The following DRD2 variants were observed in gnomAD, a reference collection of about 807,000 sequenced individuals.
DRD2 encodes D(2) dopamine receptor.
In DRD2, 8 loss-of-function variants were observed where a neutral mutation model predicts 38.0. The observed-to-expected ratio is 0.21, with a 90% CI of 0.12 to 0.38. DRD2 has a LOEUF of 0.38. Ranked by LOEUF, DRD2 falls within the 10% of genes least tolerant of loss-of-function variation. The pLI, the probability that DRD2 is intolerant of heterozygous loss-of-function variation, is 1.00. For missense variants in DRD2, 403 were observed against 607.7 expected (o/e 0.66, Z 3.54); for synonymous variants, 230 against 238.6 (o/e 0.96, Z 0.33).
At chr11:113,469,754 C>A (rs1565681607) in intron 1 of DRD2, among the ~76,000 whole-genome samples, 1 of 152,158 alleles carries the variant, frequency 6.6e-6, no homozygotes, top group African/African-American at 2.4e-5. Flanking sequence ...GCAGGAGGAT[C>A]ACTTGAGCCC....
intron 1 of DRD2, among the ~76,000 whole-genome samples, chr11:113,469,183 T>C (rs2120001902): frequency 6.6e-6 from 1 of 152,136 alleles, no homozygotes; most frequent in Middle Eastern, 3.4e-3. Flanking sequence ...GCCTCCCTCC[T>C]GCTCCTGCCG....
intron 4 of DRD2, 57 bp downstream of exon 4, chr11:113,416,806 C>A: frequency 6.3e-7 from 1 of 1,597,400 alleles, no homozygotes; most frequent in Non-Finnish European, 8.5e-7. Flanking sequence ...CAGGGCCCTT[C>A]GAGGGAGCAG....
Position 113,474,838 on chromosome 11 carries a change from A to C in DRD2, c.-32+238T>G, listed in dbSNP as rs1951464885. 2.0e-5 allele frequency among the ~76,000 whole-genome samples: 3 copies of C among 151,860 alleles called. No homozygotes were observed. In the East Asian group the frequency reaches 5.9e-4, roughly 30 times the overall value. ...GTGCTCGGGGAGAGGATTCCCTTCT[A>C]AGTGGCGAGGAGGCTACTGAGAAGG... On this transcript the variant is annotated intron_variant, in intron 1 of 7. Coordinates refer to ENST00000362072, the MANE Select transcript of DRD2 (RefSeq NM_000795.4).
intron 2 of DRD2, among the ~76,000 whole-genome samples, chr11:113,418,415 C>T (rs372258302): frequency 1.1e-4 from 16 of 152,318 alleles, no homozygotes; most frequent in South Asian, 8.3e-4. Context: ...AAACCTTAAT[C>T]TCTGCAACCT....
chr11:113,439,429 C>T (rs978556277), intron 1 of DRD2, among the ~76,000 whole-genome samples: 2 of 152,140 alleles, frequency 1.3e-5, no homozygotes, highest in South Asian at 2.1e-4. Context: ...AGAGAAGGCA[C>T]TCAGTTGTTC....
rs199932425 is a variant in DRD2, at chr11:113,424,593, C to T, written c.59G>A (p.Arg20Gln). 11 of 1,614,042 alleles carry T rather than the reference C, an allele frequency of 6.8e-6. No homozygotes were observed. The highest frequency in any genetic ancestry group is 1.6e-4 in the Middle Eastern group (1 of 6,084). ...CTTCCCGTCTGACCCGTTGAAGGGC[C>T]GGCTCCAGTTCTGCCTCTCCAGATC... ...DDDLERQNWS[R>Q]PFNGSDGKAD... The change falls in exon 2 of 8, where the codon CGG becomes CAG. Residue 20 changes from arginine (R) to glutamine (Q), a missense_variant. Arg to Gln is a conservative substitution (Grantham distance 43). Around this residue, in one of 4 missense-constraint regions of DRD2, gnomAD observed 162 missense variants for 254.5 expected, o/e 0.64. Coordinates refer to ENST00000362072, the MANE Select transcript of DRD2 (RefSeq NM_000795.4).
Position 113,424,437 on chromosome 11 carries a change from A to T in DRD2, c.215T>A (p.Leu72Gln). The T allele has an allele frequency of 6.2e-7, 1 of 1,614,264 alleles. No individual in the cohort carries two copies. The highest frequency in any genetic ancestry group is 8.5e-7 in the Non-Finnish European group (1 of 1,180,046). The part of the protein sequence containing the change: ...EKALQTTTNY[L>Q]IVSLAVADLL... Reference sequence around the variant, plus strand: ...GTCGGCCACTGCGAGGCTGACGATCAGGTAGTTGGTGGTGGTCTGCAGCGC... The same window carrying T: ...GTCGGCCACTGCGAGGCTGACGATCTGGTAGTTGGTGGTGGTCTGCAGCGC... Residue 72 changes from leucine (L) to glutamine (Q), a missense_variant, in exon 2 of 8, where the codon CTG becomes CAG. By Grantham distance (113) the Leu-to-Gln change is moderately radical. Coordinates refer to ENST00000362072, the MANE Select transcript of DRD2 (RefSeq NM_000795.4).
intron 1 of DRD2, among the ~76,000 whole-genome samples, chr11:113,440,310 C>T (rs901532302): frequency 2.0e-5 from 3 of 152,212 alleles, no homozygotes; most frequent in African/African-American, 4.8e-5. Flanking sequence ...TCCAAGCACT[C>T]CCTCTCTTTC....
At chr11:113,419,533 T>C (rs1354596170) in intron 2 of DRD2, among the ~76,000 whole-genome samples, 8 of 117,784 alleles carry the variant, frequency 6.8e-5, no homozygotes, top group Admixed American at 6.6e-4. Flanking sequence ...CACACACTCA[T>C]GGCAGATTAC....
chr11:113,432,938 G>A (rs533583380), intron 1 of DRD2, among the ~76,000 whole-genome samples: 2 of 152,338 alleles, frequency 1.3e-5, no homozygotes, highest in Non-Finnish European at 2.9e-5. Context: ...GGCCGAGGAG[G>A]CAACCTCAGC....
At chr11:113,434,491 T>G (rs1024593900) in intron 1 of DRD2, among the ~76,000 whole-genome samples, 1 of 152,188 alleles carries the variant, frequency 6.6e-6, no homozygotes, top group Non-Finnish European at 1.5e-5. Context: ...GTAGCTGGGG[T>G]TGGGTGCCCA....
intron 6 of DRD2, 87 bp downstream of exon 6, chr11:113,414,288 C>G (rs774359684): frequency 2.3e-6 from 3 of 1,322,080 alleles, no homozygotes; most frequent in African/African-American, 2.9e-5. Flanking sequence ...CTCCCATTGG[C>G]CAGCTTCTGA....
intron 1 of DRD2, among the ~76,000 whole-genome samples, chr11:113,462,826 A>G (rs1951335912): frequency 1.3e-5 from 2 of 152,214 alleles, no homozygotes; most frequent in Admixed American, 6.5e-5. Flanking sequence ...TCACTCCTTC[A>G]TCTATGCAAC....
chr11:113,429,860 C>A (rs1220027369), intron 1 of DRD2, among the ~76,000 whole-genome samples: 4 of 152,252 alleles, frequency 2.6e-5, no homozygotes, highest in Admixed American at 2.6e-4. Context: ...TTTTCCCATA[C>A]ACAAAATAGA....
chr11:113,452,121 G>A (rs1385658902), intron 1 of DRD2, among the ~76,000 whole-genome samples: 7 of 152,076 alleles, frequency 4.6e-5, no homozygotes, highest in Admixed American at 1.3e-4. Flanking sequence ...AAGTTCGGCC[G>A]TTGTGGTTGT....
intron 1 of DRD2, among the ~76,000 whole-genome samples, chr11:113,435,389 C>G (rs1951026098): frequency 1.3e-5 from 2 of 151,962 alleles, no homozygotes; most frequent in African/African-American, 2.4e-5. Context: ...CGGTGCTGTT[C>G]TCTGCGTGTG....
chr11:113,470,250 G>T (rs527493687), intron 1 of DRD2, among the ~76,000 whole-genome samples: 7 of 152,202 alleles, frequency 4.6e-5, no homozygotes, highest in Non-Finnish European at 1.0e-4. Flanking sequence ...ACAAGGAGGG[G>T]GTGGAAATGA....
rs556997884 is a variant in DRD2 at position 113,409,932 on chromosome 11, C to T, written c.*795G>A. On this transcript the variant is annotated 3_prime_UTR_variant, in exon 8 of 8. Transcript: ENST00000362072. ...CAGATAGAGTTCCAGGGCCTGACCTCCCTGCCAGGCCCCAGGCTGGCCAGC... is the reference window on the plus strand; with the variant it reads ...CAGATAGAGTTCCAGGGCCTGACCTTCCTGCCAGGCCCCAGGCTGGCCAGC... 3 of 152,522 alleles carry T rather than the reference C, an allele frequency of 2.0e-5. No individual in the cohort carries two copies. Among genetic ancestry groups the T allele is most frequent in the Admixed American group, 1.3e-4 (2 of 15,298 alleles). The allele number at this position is 152,522 out of a possible 1,614,324, so 9.4% of individuals were successfully genotyped here.
At chr11:113,415,646 A>G in intron 4 of DRD2, 35 bp from the exon 5 acceptor site, 1 of 1,584,632 alleles carries the variant, frequency 6.3e-7, no homozygotes, top group Non-Finnish European at 8.6e-7. Flanking sequence ...GCAGGGAGTC[A>G]GCGGGCCCAC....
Sources: gnomAD v4.1 joint callset for allele counts (sites outside exome capture counted in the v4.1 genomes callset) on GRCh38, gnomAD v4.1.1 for gene constraint, gnomAD v4.1.1 regional missense constraint, MANE v1.5 for transcripts, NCBI Gene and HGNC (gene_info 2026-07-23, HGNC 2026-07-21) for gene names.